Variants in ATRNL1 observed in about 807,000 individuals in gnomAD.
ATRNL1 encodes attractin like 1.
In ATRNL1, 95 loss-of-function variants were observed where a neutral mutation model predicts 182.7. The ratio of observed to expected loss-of-function variants is 0.52; its 90% CI spans 0.44 to 0.62. ATRNL1 has a LOEUF of 0.62. Among genes scored for constraint, ATRNL1 ranks in the 20% least tolerant of loss-of-function variants. The pLI, the probability that ATRNL1 is intolerant of heterozygous loss-of-function variation, is 0.00. For missense variants in ATRNL1, 1,471 were observed against 1,679.5 expected (o/e 0.88, Z 2.17); for synonymous variants, 576 against 568.3 (o/e 1.01, Z -0.19).
At chr10:115,675,433 A>G (rs1555042682) in intron 26 of ATRNL1, among the ~76,000 whole-genome samples, 1 of 152,094 alleles carries the variant, frequency 6.6e-6, no homozygotes, top group Non-Finnish European at 1.5e-5. Context: ...AAAGAAGAAA[A>G]GAAGAAGAAA....
chr10:115,445,310 T>C (rs1592668541), intron 21 of ATRNL1, among the ~76,000 whole-genome samples: 1 of 151,052 alleles, frequency 6.6e-6, no homozygotes, highest in East Asian at 2.0e-4. Context: ...CACACGCCTG[T>C]AATCCCAGTT....
At chr10:115,576,550 T>G (rs1370335613) in intron 26 of ATRNL1, among the ~76,000 whole-genome samples, 1 of 152,088 alleles carries the variant, frequency 6.6e-6, no homozygotes, top group East Asian at 1.9e-4. Context: ...GAAATGTCTA[T>G]TTACATTCTT....
At chr10:115,547,031 A>T (rs1165854750) in intron 25 of ATRNL1, among the ~76,000 whole-genome samples, 1 of 152,074 alleles carries the variant, frequency 6.6e-6, no homozygotes, top group African/African-American at 2.4e-5. Flanking sequence ...AGGCCGGCAG[A>T]TCACCTGAGG....
chr10:115,430,083 C>A (rs1747541562), intron 21 of ATRNL1, among the ~76,000 whole-genome samples: 2 of 152,054 alleles, frequency 1.3e-5, no homozygotes, highest in Non-Finnish European at 2.9e-5. Context: ...AAAACAACAA[C>A]AAAAAAGTTT....
At chr10:115,532,430 T>A (rs1437308817) in intron 25 of ATRNL1, among the ~76,000 whole-genome samples, 6 of 152,198 alleles carry the variant, frequency 3.9e-5, no homozygotes, top group Non-Finnish European at 7.3e-5. Context: ...GCTCTCTATC[T>A]GTTATTAGTG....
chr10:115,677,411 C>T (rs1439322532), intron 26 of ATRNL1, among the ~76,000 whole-genome samples: 1 of 152,002 alleles, frequency 6.6e-6, no homozygotes, highest in African/African-American at 2.4e-5. Context: ...TTTGGCTGTG[C>T]CCCCACCCAA....
chr10:115,735,399 C>T (rs1186957780), intron 27 of ATRNL1, among the ~76,000 whole-genome samples: 2 of 152,126 alleles, frequency 1.3e-5, no homozygotes, highest in Middle Eastern at 3.4e-3. Flanking sequence ...TTCTGATTTC[C>T]GTTGTTGCTG....
intron 24 of ATRNL1, among the ~76,000 whole-genome samples, chr10:115,472,732 C>G (rs1565079886): frequency 6.6e-6 from 1 of 150,894 alleles, no homozygotes; most frequent in Non-Finnish European, 1.5e-5. Flanking sequence ...TTCTTTTTAA[C>G]AGTTTATTGG....
At chr10:115,697,755 T>C (rs1946610150) in intron 26 of ATRNL1, among the ~76,000 whole-genome samples, 2 of 152,234 alleles carry the variant, frequency 1.3e-5, no homozygotes, top group Admixed American at 1.3e-4. Flanking sequence ...TAGAGGTCTT[T>C]ATCTTAATGC....
Position 115,469,301 on chromosome 10 carries a change from G to A in ATRNL1, c.3626G>A (p.Ser1209Asn). The change falls in exon 24 of 29, where the codon AGC (serine) becomes AAC (asparagine). Residue 1209 changes from serine (S) to asparagine (N), a missense_variant. Coordinates refer to ENST00000355044, the MANE Select transcript of ATRNL1 (RefSeq NM_207303.4). ...AACATTACATTCTATGTGTACGTCA[G>A]CAACTTTTCCTGGCCTATTAAAATA... ...NPNITFYVYV[S>N]NFSWPIKIQI... 1 of 1,531,578 alleles carries A rather than the reference G, an allele frequency of 6.5e-7. No homozygotes were observed. 94.9% of individuals were successfully genotyped at this position (1,531,578 alleles called of 1,614,324 possible). A position where few individuals can be genotyped will look rare whatever the true frequency, so the allele number is the denominator to read the frequency against.
intron 18 of ATRNL1, among the ~76,000 whole-genome samples, chr10:115,319,281 T>C (rs1366709725): frequency 6.6e-6 from 1 of 152,222 alleles, no homozygotes; most frequent in Non-Finnish European, 1.5e-5. Flanking sequence ...TTCTTTTCCA[T>C]TTGCTGAAGA....
At chr10:115,277,393 A>C (rs1234566240) in intron 13 of ATRNL1, among the ~76,000 whole-genome samples, 1 of 152,092 alleles carries the variant, frequency 6.6e-6, no homozygotes, top group African/African-American at 2.4e-5. Context: ...TATTTTATGA[A>C]GGAAGTGGCT....
At chr10:115,190,101 T>G (rs1356315994) in intron 8 of ATRNL1, among the ~76,000 whole-genome samples, 1 of 152,028 alleles carries the variant, frequency 6.6e-6, no homozygotes, top group East Asian at 1.9e-4. Context: ...ACCATTTAGG[T>G]TTGTAGAAGT....
At chr10:115,911,096 C>G (rs1952663276) in intron 28 of ATRNL1, among the ~76,000 whole-genome samples, 1 of 152,050 alleles carries the variant, frequency 6.6e-6, no homozygotes, top group South Asian at 2.1e-4. Context: ...CCTCCGCCTC[C>G]CAGGTTCTAA....
At chr10:115,197,165 A>G (rs1204168294) in intron 8 of ATRNL1, among the ~76,000 whole-genome samples, 1 of 151,892 alleles carries the variant, frequency 6.6e-6, no homozygotes, top group East Asian at 1.9e-4. Flanking sequence ...ATTTTTTAAT[A>G]TGGTGAATGG....
intron 27 of ATRNL1, among the ~76,000 whole-genome samples, chr10:115,767,602 A>G (rs1948888769): frequency 1.3e-5 from 2 of 152,110 alleles, no homozygotes; most frequent in East Asian, 1.9e-4. Flanking sequence ...CACCAGACTC[A>G]TTCTTGCACC....
At chr10:115,407,962 C>G (rs1592609717) in intron 20 of ATRNL1, among the ~76,000 whole-genome samples, 1 of 126,784 alleles carries the variant, frequency 7.9e-6, no homozygotes, top group Non-Finnish European at 1.6e-5. Context: ...GATGATATCT[C>G]TTTGTGGTTT....
intron 28 of ATRNL1, among the ~76,000 whole-genome samples, chr10:115,893,905 A>G (rs1436417462): frequency 6.6e-6 from 1 of 152,188 alleles, no homozygotes; most frequent in Non-Finnish European, 1.5e-5. Flanking sequence ...GGCAAAGGAA[A>G]GTTTCTCAGG....
At chr10:115,452,336 CT>C (rs1262113637) in intron 21 of ATRNL1, among the ~76,000 whole-genome samples, 1 of 151,998 alleles carries the variant, frequency 6.6e-6, no homozygotes, top group Non-Finnish European at 1.5e-5. Context: ...TAATGACATG[CT>C]TTTTTAAGGT....
Sources: gnomAD v4.1 joint callset for allele counts (sites outside exome capture counted in the v4.1 genomes callset) on GRCh38, gnomAD v4.1.1 for gene constraint, MANE v1.5 for transcripts, NCBI Gene and HGNC (gene_info 2026-07-23, HGNC 2026-07-21) for gene names.